The following DLC1 variants were observed in gnomAD, a reference collection of about 807,000 sequenced individuals.
The protein encoded by DLC1 is rho GTPase-activating protein 7.
DLC1 carries 54 observed loss-of-function variants against 140.3 expected under a neutral mutation model. The observed-to-expected ratio is 0.38, with a 90% CI of 0.31 to 0.48. DLC1 has a LOEUF of 0.48. Among genes scored for constraint, DLC1 ranks in the 20% least tolerant of loss-of-function variants. DLC1 has a pLI of 0.96. For synonymous variants in DLC1, 986 were observed against 728.1 expected (o/e 1.35, Z -5.70); for missense variants, 2,536 against 1,907.0 (o/e 1.33, Z -6.14).
At chr8:13,479,992 G>A (rs1329734723) in intron 2 of DLC1, among the ~76,000 whole-genome samples, 1 of 150,902 alleles carries the variant, frequency 6.6e-6, no homozygotes, top group Non-Finnish European at 1.5e-5. Flanking sequence ...CTTGGGCCCA[G>A]GAGGTGGGGG....
intron 1 of DLC1, among the ~76,000 whole-genome samples, chr8:13,571,785 T>C (rs912359187): frequency 2.6e-5 from 4 of 152,172 alleles, no homozygotes; most frequent in Non-Finnish European, 5.9e-5. Context: ...AAGTGACACA[T>C]TATTTCTACA....
intron 1 of DLC1, among the ~76,000 whole-genome samples, chr8:13,587,854 T>C (rs1032332148): frequency 6.6e-6 from 1 of 151,724 alleles, no homozygotes; most frequent in Admixed American, 6.6e-5. Context: ...TCCTGTATCA[T>C]ATCATGCCCC....
chr8:13,121,697 T>A (rs1429759362), intron 5 of DLC1, among the ~76,000 whole-genome samples: 1 of 149,714 alleles, frequency 6.7e-6, no homozygotes, highest in African/African-American at 2.5e-5. Flanking sequence ...TACAGGTGTG[T>A]ACCACCATGC....
intron 5 of DLC1, among the ~76,000 whole-genome samples, chr8:13,207,080 ATTG>A (rs1376804839): frequency 5.3e-5 from 8 of 152,204 alleles, no homozygotes; most frequent in African/African-American, 1.9e-4. Context: ...AAATGTGTAT[ATTG>A]TTATATGAAT....
At chr8:13,208,052 A>G (rs1467767567) in intron 5 of DLC1, among the ~76,000 whole-genome samples, 1 of 152,176 alleles carries the variant, frequency 6.6e-6, no homozygotes, top group Non-Finnish European at 1.5e-5. Flanking sequence ...TTTGATTTAA[A>G]ATCCATCTTA....
intron 5 of DLC1, among the ~76,000 whole-genome samples, chr8:13,269,341 G>C (rs1383550455): frequency 6.6e-6 from 1 of 152,114 alleles, no homozygotes; most frequent in African/African-American, 2.4e-5. Flanking sequence ...GGTTGTCCTT[G>C]AGCTACAGGG....
rs1311521940 is a variant in DLC1 at position 13,545,764 on chromosome 8, C to T, written c.-125-45568G>A. ...ACATAGTTGAAAAAAACAAGACTTT[C>T]TATTTTCCTATCTTTTGTTTGTGAT... On this transcript the variant is annotated intron_variant, in intron 1 of 1. Coordinates refer to the DLC1 transcript ENST00000631382. Among the ~76,000 whole-genome samples, 4 of 152,024 alleles carry T rather than the reference C, an allele frequency of 2.6e-5. No homozygotes were observed. The East Asian group carries it at 7.7e-4, about 29-fold the overall frequency.
chr8:13,580,682 A>C (rs1805064063), intron 1 of DLC1, among the ~76,000 whole-genome samples: 1 of 152,336 alleles, frequency 6.6e-6, no homozygotes, highest in South Asian at 2.1e-4. Context: ...TCTCTTCTCT[A>C]AATAGGTCTT....
chr8:13,526,722 T>G (rs1802930483), intron 1 of DLC1, among the ~76,000 whole-genome samples: 1 of 150,602 alleles, frequency 6.6e-6, no homozygotes, highest in African/African-American at 2.4e-5. Context: ...AATTGAACAA[T>G]AAGAACACAT....
intron 5 of DLC1, among the ~76,000 whole-genome samples, chr8:13,217,925 C>T (rs144196244): frequency 1.3e-5 from 2 of 151,942 alleles, no homozygotes; most frequent in East Asian, 1.9e-4. Context: ...CAAGGGCTTG[C>T]GTCCTCTTTG....
intron 5 of DLC1, among the ~76,000 whole-genome samples, chr8:13,143,232 C>G (rs575201571): frequency 6.6e-6 from 1 of 152,034 alleles, no homozygotes; most frequent in Admixed American, 6.5e-5. Flanking sequence ...TATACTAAAC[C>G]ATCAATTAAA....
intron 1 of DLC1, among the ~76,000 whole-genome samples, chr8:13,510,238 A>G (rs1262557533): frequency 6.6e-6 from 1 of 150,726 alleles, no homozygotes; most frequent in East Asian, 2.0e-4. Flanking sequence ...GTGATGGCAC[A>G]ATTTCGGCTC....
At chr8:13,143,772 G>C (rs956497560) in intron 5 of DLC1, among the ~76,000 whole-genome samples, 1 of 150,078 alleles carries the variant, frequency 6.7e-6, no homozygotes, top group African/African-American at 2.5e-5. Flanking sequence ...AAGAAGTTTG[G>C]TTGCCCTGAG....
intron 16 of DLC1, among the ~76,000 whole-genome samples, chr8:13,086,810 G>C (rs1817604239): frequency 6.6e-6 from 1 of 152,116 alleles, no homozygotes; most frequent in African/African-American, 2.4e-5. Context: ...GACTGCTTGA[G>C]CTCAGGAGTT....
At chr8:13,192,942 A>G (rs1377570602) in intron 5 of DLC1, among the ~76,000 whole-genome samples, 1 of 152,206 alleles carries the variant, frequency 6.6e-6, no homozygotes, top group Admixed American at 6.5e-5. Flanking sequence ...TGAGCCACCC[A>G]GTTTGTGGCG....
At chr8:13,184,404 T>C (rs1826224627) in intron 5 of DLC1, among the ~76,000 whole-genome samples, 1 of 152,238 alleles carries the variant, frequency 6.6e-6, no homozygotes, top group South Asian at 2.1e-4. Flanking sequence ...GTGTCAATTT[T>C]AGATCTTTTC....
intron 5 of DLC1, among the ~76,000 whole-genome samples, chr8:13,250,735 T>A (rs980974768): frequency 6.9e-5 from 10 of 145,124 alleles, no homozygotes; most frequent in Non-Finnish European, 1.5e-4. Flanking sequence ...TTAAGCAGAG[T>A]GGAAGTTGCT....
chr8:13,596,304 G>A (rs1007487675), intron 1 of DLC1, among the ~76,000 whole-genome samples: 2 of 151,938 alleles, frequency 1.3e-5, no homozygotes, highest in African/African-American at 4.8e-5. Context: ...GGCGAGGTTG[G>A]AGACAGTTTA....
intron 5 of DLC1, among the ~76,000 whole-genome samples, chr8:13,126,859 C>T (rs1191499456): frequency 6.6e-6 from 1 of 152,158 alleles, no homozygotes; most frequent in African/African-American, 2.4e-5. Context: ...CACTGTAAAA[C>T]CTTAAATTAG....
Sources: allele counts gnomAD v4.1 joint callset (sites outside exome capture counted in the v4.1 genomes callset), GRCh38; gene constraint gnomAD v4.1.1; transcripts MANE v1.5; gene names NCBI Gene and HGNC (gene_info 2026-07-23, HGNC 2026-07-21).